Variants in SLC12A1 observed in about 807,000 individuals in gnomAD.
SLC12A1 encodes solute carrier family 12 member 1.
Under a neutral mutation model 130.4 loss-of-function variants are expected in SLC12A1, and 89 were observed. That is an observed-to-expected ratio of 0.68 (90% CI 0.58 to 0.81). The LOEUF is 0.81. Ranked by LOEUF, SLC12A1 falls within the 40% of genes least tolerant of loss-of-function variation. SLC12A1 has a pLI of 0.00. For synonymous variants in SLC12A1, 499 were observed against 460.0 expected (o/e 1.08, Z -1.09); for missense variants, 1,310 against 1,336.4 (o/e 0.98, Z 0.31).
At chr15:48,250,424 A>G (rs926948658) in intron 14 of SLC12A1, among the ~76,000 whole-genome samples, 12 of 152,234 alleles carry the variant, frequency 7.9e-5, no homozygotes, top group African/African-American at 2.9e-4. Context: ...TAGATGGCAG[A>G]CCAATCTTAA....
At position 48,276,112 on chromosome 15, in the gene SLC12A1, G is replaced by A. The variant is rs147561846; in HGVS notation, c.2485+1459G>A. 4.8e-3 allele frequency among the ~76,000 whole-genome samples: 734 copies of A among 152,252 alleles called. 8 individuals carry two copies. Among genetic ancestry groups the A allele is most frequent in the Middle Eastern group, 0.044 (13 of 294 alleles). On this transcript the variant is annotated intron_variant, in intron 20 of 26. Transcript: ENST00000380993. ...GAGTTGATTGAATGTGTGGGATATG[G>A]GAAAGGGAGGAGTAAAGAAAAACTC...
chr15:48,272,529 C>T (rs991093716), intron 19 of SLC12A1, among the ~76,000 whole-genome samples: 5 of 152,198 alleles, frequency 3.3e-5, no homozygotes, highest in African/African-American at 7.2e-5. Flanking sequence ...CAGGTTCAAG[C>T]GACTCTCCTG....
At chr15:48,249,468 G>C in intron 13 of SLC12A1, 107 bp from the exon 14 acceptor site, 1 of 847,788 alleles carries the variant, frequency 1.2e-6, no homozygotes, top group Non-Finnish European at 2.0e-6. Flanking sequence ...ACAGATGCTC[G>C]CTATGTTTTC....
chr15:48,298,469 T>C (rs2042200098), intron 24 of SLC12A1, among the ~76,000 whole-genome samples: 1 of 152,236 alleles, frequency 6.6e-6, no homozygotes, highest in Admixed American at 6.5e-5. Context: ...AAAACATTAT[T>C]GATTTTTGTT....
At chr15:48,212,411 G>GT (rs1196126857) in intron 2 of SLC12A1, among the ~76,000 whole-genome samples, 1 of 152,034 alleles carries the variant, frequency 6.6e-6, no homozygotes, top group Non-Finnish European at 1.5e-5. Context: ...TGTACCAGAC[G>GT]TATTTTCCAC....
intron 25 of SLC12A1, 22 bp downstream of exon 25, chr15:48,299,297 T>A (rs1330962564): frequency 2.6e-6 from 4 of 1,550,690 alleles, no homozygotes; most frequent in Non-Finnish European, 3.5e-6. Context: ...TCTTTCTTAA[T>A]TTTTTTGCTG....
intron 16 of SLC12A1, among the ~76,000 whole-genome samples, chr15:48,256,339 T>C (rs1449332668): frequency 6.6e-6 from 1 of 152,208 alleles, no homozygotes; most frequent in Non-Finnish European, 1.5e-5. Flanking sequence ...AAGCGCAAGC[T>C]TGTATGAAGA....
chr15:48,293,075 C>G (rs1021391764), intron 24 of SLC12A1, among the ~76,000 whole-genome samples: 7 of 152,180 alleles, frequency 4.6e-5, no homozygotes, highest in Admixed American at 1.3e-4. Flanking sequence ...GCCACCACAC[C>G]TGGCTAATTT....
At chr15:48,236,893 C>T (rs1177136000) in intron 9 of SLC12A1, 1 of 551,066 alleles carries the variant, frequency 1.8e-6, no homozygotes, top group Non-Finnish European at 3.2e-6. Flanking sequence ...AAGAATATTG[C>T]TCTTTCTTTA....
At chr15:48,245,505 G>A (rs1484041792) in intron 11 of SLC12A1, among the ~76,000 whole-genome samples, 1 of 152,178 alleles carries the variant, frequency 6.6e-6, no homozygotes, top group Non-Finnish European at 1.5e-5. Flanking sequence ...CCACTTGTAA[G>A]TGAGAATATG....
intron 23 of SLC12A1, among the ~76,000 whole-genome samples, chr15:48,289,557 T>C (rs1021965256): frequency 2.0e-5 from 3 of 151,946 alleles, no homozygotes; most frequent in African/African-American, 7.3e-5. Flanking sequence ...TTTCCTATTG[T>C]GCAAACATCA....
chr15:48,237,810 T>C (rs1317160747), intron 9 of SLC12A1, among the ~76,000 whole-genome samples: 1 of 152,106 alleles, frequency 6.6e-6, no homozygotes, highest in Non-Finnish European at 1.5e-5. Flanking sequence ...ATAACATGAT[T>C]AAATATGTGT....
chr15:48,231,971 A>G (rs748401960), intron 7 of SLC12A1, among the ~76,000 whole-genome samples: 4 of 152,178 alleles, frequency 2.6e-5, no homozygotes, highest in Non-Finnish European at 4.4e-5. Context: ...AGATCGTGCC[A>G]TTGCATTCCA....
intron 20 of SLC12A1, among the ~76,000 whole-genome samples, chr15:48,275,755 G>A (rs990663266): frequency 6.6e-6 from 1 of 152,192 alleles, no homozygotes; most frequent in Non-Finnish European, 1.5e-5. Context: ...GCCGACAATA[G>A]TAAAATATGG....
chr15:48,278,463 T>A (rs1292800693), intron 20 of SLC12A1, among the ~76,000 whole-genome samples: 1 of 152,100 alleles, frequency 6.6e-6, no homozygotes, highest in Non-Finnish European at 1.5e-5. Flanking sequence ...ATTTTATCTT[T>A]GAAAAAGAGG....
intron 2 of SLC12A1, among the ~76,000 whole-genome samples, chr15:48,219,152 G>A (rs919648012): frequency 2.0e-5 from 3 of 152,138 alleles, no homozygotes; most frequent in South Asian, 2.1e-4. Context: ...AAGGCATAAC[G>A]GAATCTCAAA....
At chr15:48,300,723 TA>T (rs1390543271) in intron 25 of SLC12A1, among the ~76,000 whole-genome samples, 4 of 152,294 alleles carry the variant, frequency 2.6e-5, no homozygotes, top group African/African-American at 9.6e-5. Flanking sequence ...TGAAATACAA[TA>T]AAAAATATTA....
Position 48,302,967 on chromosome 15 carries a change from G to C in SLC12A1, c.*82G>C, listed in dbSNP as rs2042252527. 9.3e-7 allele frequency: 1 copy of C among 1,078,228 alleles called. No homozygotes were observed. Among genetic ancestry groups the C allele is most frequent in the South Asian group, 1.6e-5 (1 of 62,400 alleles). The allele number at this position is 1,078,228 out of a possible 1,614,324, so 66.8% of individuals were successfully genotyped here. A position where few individuals can be genotyped will look rare whatever the true frequency, so the allele number is the denominator to read the frequency against. ...TTCCAGTACTTTATGTTGTAAATCT[G>C]ATCTATGGATATGCAAACCTCTGGA... On this transcript the variant is annotated 3_prime_UTR_variant, in exon 27 of 27. Coordinates refer to ENST00000380993, the MANE Select transcript of SLC12A1 (RefSeq NM_000338.3).
At chr15:48,231,035 T>C (rs529179800) in intron 7 of SLC12A1, among the ~76,000 whole-genome samples, 1 of 152,356 alleles carries the variant, frequency 6.6e-6, no homozygotes, top group African/African-American at 2.4e-5. Context: ...ACATGTCTTT[T>C]GCCTCCTTTG....
Sources: allele counts gnomAD v4.1 joint callset (sites outside exome capture counted in the v4.1 genomes callset), GRCh38; gene constraint gnomAD v4.1.1; transcripts MANE v1.5; gene names NCBI Gene and HGNC (gene_info 2026-07-23, HGNC 2026-07-21).